The following ADAM17 variants were observed in gnomAD, a reference collection of about 807,000 sequenced individuals.
The protein encoded by ADAM17 is disintegrin and metalloproteinase domain-containing protein 17.
Under a neutral mutation model 96.7 loss-of-function variants are expected in ADAM17, and 39 were observed. That is an observed-to-expected ratio of 0.40 (90% CI 0.31 to 0.53). The LOEUF is 0.53. ADAM17 is among the 20% of genes least tolerant of loss of function. The pLI is 0.44. For missense variants in ADAM17, 777 were observed against 1,013.2 expected, an observed-to-expected ratio of 0.77 and a Z score of 3.17; for synonymous variants, 344 against 359.2, an observed-to-expected ratio of 0.96 and a Z score of 0.48.
chr2:9,492,891 G>T lies in ADAM17; in HGVS notation c.2082+7C>A. On this transcript the variant is annotated splice_region_variant and intron_variant, in intron 17 of 18. Transcript: ENST00000310823. ...AACATTTAATTACTTAAAAGTTGAT[G>T]ACTTACCACACAATGGACAAGAATG... is the stretch of plus-strand genomic sequence containing the variant. 2.5e-6 allele frequency: 4 copies of T among 1,603,564 alleles called. No individual in the cohort carries two copies. The South Asian group carries it at 4.5e-5, about 18-fold the overall frequency.
At chr2:9,520,007 G>A (rs1664243201) in intron 8 of ADAM17, among the ~76,000 whole-genome samples, 1 of 152,212 alleles carries the variant, frequency 6.6e-6, no homozygotes, top group Admixed American at 6.5e-5. Context: ...GTATGAATGA[G>A]TACCACACAG....
intron 3 of ADAM17, among the ~76,000 whole-genome samples, chr2:9,536,146 C>A (rs1411409662): frequency 6.6e-6 from 1 of 152,060 alleles, no homozygotes; most frequent in African/African-American, 2.4e-5. Flanking sequence ...CCAAAACAAA[C>A]AAAACTGCTA....
In ADAM17 at chr2:9,513,002, CT is replaced by C. The variant is rs373688489; in HGVS notation, c.1192-2872del. Among the ~76,000 whole-genome samples, 1,285 of 149,294 alleles carry C rather than the reference CT, an allele frequency of 8.6e-3. 15 individuals are homozygous for C. The highest frequency in any genetic ancestry group is 0.03 in the African/African-American group (1,220 of 40,754). On this transcript the variant is annotated intron_variant, in intron 10 of 18. Coordinates refer to ENST00000310823, the MANE Select transcript of ADAM17 (RefSeq NM_003183.6). Reference sequence around the variant, plus strand: ...ATTTGGCTATTTCTTTGTATCCTTTCTTTTTTTTTTATTTTTTGAGACAAAG... The same window carrying C: ...ATTTGGCTATTTCTTTGTATCCTTTCTTTTTTTTTATTTTTTGAGACAAAG...
intron 17 of ADAM17, among the ~76,000 whole-genome samples, chr2:9,492,565 C>G (rs924494340): frequency 2.0e-5 from 3 of 152,174 alleles, no homozygotes; most frequent in Non-Finnish European, 4.4e-5. Flanking sequence ...TCTATTGCAA[C>G]GAAGTCAGCC....
In ADAM17 at chr2:9,490,216, CTGCAGTTTAAAGGAGGCAGCCTT is replaced by C. The variant is rs1444497343; in HGVS notation, c.2413_2435del (p.Lys805AlafsTer6). 6.2e-7 allele frequency: 1 copy of C among 1,601,042 alleles called. No homozygotes were observed. Among genetic ancestry groups the C allele is most frequent in the East Asian group, 2.2e-5 (1 of 44,492 alleles). On this transcript the variant is annotated frameshift_variant, in exon 19 of 19. Coordinates refer to ENST00000310823, the MANE Select transcript of ADAM17 (RefSeq NM_003183.6). LOFTEE classifies it high-confidence loss of function. ...CTTTGCTGTCAACACGATTCTGACGCTGCAGTTTAAAGGAGGCAGCCTTTTCACTTCTGGTGACCGGATGGTCC... is the reference window on the plus strand; with the variant it reads ...CTTTGCTGTCAACACGATTCTGACGCTTCACTTCTGGTGACCGGATGGTCC...
At position 9,490,623 on chromosome 2, in the gene ADAM17, G is replaced by A; in HGVS notation, c.2134-105C>T. ...AACAGCCTCTTATTCTGTTGGCACTGTGATGCTAAGAAAAAAGTGCTAGGT... is the reference window on the plus strand; with the variant it reads ...AACAGCCTCTTATTCTGTTGGCACTATGATGCTAAGAAAAAAGTGCTAGGT... On this transcript the variant is annotated intron_variant, in intron 18 of 18. Transcript: ENST00000310823. 2.5e-6 allele frequency: 3 copies of A among 1,220,130 alleles called. 1 individual carries two copies. Among genetic ancestry groups the A allele is most frequent in the Non-Finnish European group, 3.3e-6 (3 of 898,038 alleles). 75.6% of individuals were successfully genotyped at this position (1,220,130 alleles called of 1,614,324 possible).
At chr2:9,513,038 G>A (rs78248238) in intron 10 of ADAM17, among the ~76,000 whole-genome samples, 7,035 of 151,720 alleles carry the variant, frequency 0.046, 567 homozygotes, top group African/African-American at 0.16. Context: ...GACTCCCTCT[G>A]TTGACCAGTA....
chr2:9,534,919 G>A (rs988196809), intron 4 of ADAM17, among the ~76,000 whole-genome samples: 1 of 152,088 alleles, frequency 6.6e-6, no homozygotes, highest in African/African-American at 2.4e-5. Context: ...TATAATATTA[G>A]TTCCTTTACT....
intron 1 of ADAM17, among the ~76,000 whole-genome samples, chr2:9,545,006 C>T (rs938983778): frequency 5.3e-5 from 8 of 152,164 alleles, no homozygotes; most frequent in Non-Finnish European, 1.2e-4. Flanking sequence ...CAGGTTGGTA[C>T]ATGAACTCAG....
chr2:9,511,411 T>C (rs1243101471), intron 10 of ADAM17, among the ~76,000 whole-genome samples: 3 of 151,690 alleles, frequency 2.0e-5, no homozygotes, highest in Non-Finnish European at 2.9e-5. Flanking sequence ...GATCATGCCA[T>C]TGCACTCCAG....
intron 14 of ADAM17, chr2:9,496,414 G>C (rs796307645): frequency 3.3e-5 from 5 of 151,222 alleles, no homozygotes; most frequent in African/African-American, 1.2e-4. Flanking sequence ...ACAGGTGTGA[G>C]TCACCACACC....
In ADAM17 at chr2:9,541,319, T is replaced by C. The variant is rs571429661; in HGVS notation, c.230+1834A>G. On this transcript the variant is annotated intron_variant, in intron 2 of 18. Coordinates refer to ENST00000310823, the MANE Select transcript of ADAM17 (RefSeq NM_003183.6). ...GGCTCACACCTGTAATCCCATCACATTGGGAGCCTGAGGCAGGTGGATCAC... is the reference window on the plus strand; with the variant it reads ...GGCTCACACCTGTAATCCCATCACACTGGGAGCCTGAGGCAGGTGGATCAC... 2.8e-4 allele frequency among the ~76,000 whole-genome samples: 43 copies of C among 152,270 alleles called. 1 individual carries two copies. Among genetic ancestry groups the C allele is most frequent in the South Asian group, 1.5e-3 (7 of 4,822 alleles).
At position 9,529,551 on chromosome 2, in the gene ADAM17, C is replaced by T. The variant is rs998838266; in HGVS notation, c.451-1597G>A. ...ACAAATCTAAATAGACAGTAGATCC[C>T]TGGTTGCCTAGAGCTGGGGGAGTTA... On this transcript the variant is annotated intron_variant, in intron 4 of 18. Coordinates refer to ENST00000310823, the MANE Select transcript of ADAM17 (RefSeq NM_003183.6). Among the ~76,000 whole-genome samples the T allele has an allele frequency of 7.9e-5, 12 of 152,234 alleles. No homozygotes were observed. In the South Asian group the frequency reaches 2.5e-3, roughly 32 times the overall value.
chr2:9,513,620 G>A (rs1183459899), intron 10 of ADAM17, among the ~76,000 whole-genome samples: 2 of 152,078 alleles, frequency 1.3e-5, no homozygotes, highest in Non-Finnish European at 2.9e-5. Flanking sequence ...CGTTTGGTCT[G>A]GTCACACAAG....
At chr2:9,517,756 C>A in intron 10 of ADAM17, 145 bp downstream of exon 10, 1 of 539,692 alleles carries the variant, frequency 1.9e-6, no homozygotes, top group East Asian at 3.5e-5. Flanking sequence ...TCATATATCC[C>A]ACAAAAATAC....
chr2:9,545,996 G>C (rs1317129966), intron 1 of ADAM17, among the ~76,000 whole-genome samples: 1 of 151,578 alleles, frequency 6.6e-6, no homozygotes, highest in Non-Finnish European at 1.5e-5. Flanking sequence ...TACTCAGAAG[G>C]TTCAGGCGGG....
intron 11 of ADAM17, among the ~76,000 whole-genome samples, chr2:9,509,750 A>G (rs1490876058): frequency 6.6e-6 from 1 of 151,946 alleles, no homozygotes; most frequent in African/African-American, 2.4e-5. Context: ...CCTAGAGCTC[A>G]AATCTACACC....
At chr2:9,513,639 G>A (rs1663866450) in intron 10 of ADAM17, among the ~76,000 whole-genome samples, 1 of 152,104 alleles carries the variant, frequency 6.6e-6, no homozygotes, top group South Asian at 2.1e-4. Flanking sequence ...AGTCTTCTGT[G>A]TTGATGATGA....
At chr2:9,541,115 C>G (rs1665188811) in intron 2 of ADAM17, among the ~76,000 whole-genome samples, 2 of 152,152 alleles carry the variant, frequency 1.3e-5, no homozygotes, top group Non-Finnish European at 1.5e-5. Flanking sequence ...AAAAAAATCA[C>G]TTTGGTTAAA....
Sources: gnomAD v4.1 joint callset for allele counts (sites outside exome capture counted in the v4.1 genomes callset) on GRCh38, gnomAD v4.1.1 for gene constraint, MANE v1.5 for transcripts, NCBI Gene and HGNC (gene_info 2026-07-23, HGNC 2026-07-21) for gene names.